The following NEXMIF variants were observed in gnomAD, a reference collection of about 807,000 sequenced individuals.
NEXMIF encodes XLMR protein related to neurite extension.
NEXMIF carries 8 observed loss-of-function variants against 62.1 expected under a neutral mutation model. That is an observed-to-expected ratio of 0.13 (90% CI 0.08 to 0.23). NEXMIF has a LOEUF of 0.23. NEXMIF is among the 10% of genes least tolerant of loss of function. NEXMIF has a pLI of 1.00. For missense variants in NEXMIF, 976 were observed against 1,113.3 expected, an observed-to-expected ratio of 0.88 and a Z score of 1.75; for synonymous variants, 404 against 416.6, an observed-to-expected ratio of 0.97 and a Z score of 0.37.
chrX:74,911,408 G>GA (rs1025519302), intron 1 of NEXMIF, among the ~76,000 whole-genome samples: 2 of 110,719 alleles, frequency 1.8e-5, no homozygotes, highest in African/African-American at 6.6e-5. Context: ...CCTTCTCAAA[G>GA]AAAAAAAAGT....
rs73502810 is a variant in NEXMIF, at chrX:74,897,324, G to A, written c.-48+27559C>T. Among the ~76,000 whole-genome samples the A allele has an allele frequency of 3.4e-3, 386 of 111,986 alleles. 4 individuals are homozygous for A. The highest frequency in any genetic ancestry group is 0.012 in the African/African-American group (364 of 30,837). ...TACCTACCTCCCACATGGGTTAGGA[G>A]AGTCAAACTAATAGTTTCCTAAATA... On this transcript the variant is annotated intron_variant, in intron 1 of 3. Transcript: ENST00000055682.
At chrX:74,821,086 T>C (rs1029128695) in intron 1 of NEXMIF, among the ~76,000 whole-genome samples, 5 of 110,712 alleles carry the variant, frequency 4.5e-5, no homozygotes, top group Non-Finnish European at 9.4e-5. Flanking sequence ...CACTATGTTG[T>C]CCAGGCTGCT....
chrX:74,909,443 G>A (rs2080780319), intron 1 of NEXMIF, among the ~76,000 whole-genome samples: 1 of 111,889 alleles, frequency 8.9e-6, no homozygotes, highest in Non-Finnish European at 1.9e-5. Context: ...GGTATCTGGT[G>A]GAATAAATTT....
intron 1 of NEXMIF, among the ~76,000 whole-genome samples, chrX:74,860,534 A>T (rs985560218): frequency 3.6e-5 from 4 of 112,179 alleles, no homozygotes; most frequent in African/African-American, 1.3e-4. Context: ...AACATTCAAA[A>T]ATTGAAATTA....
chrX:74,897,353 T>C (rs1344010829), intron 1 of NEXMIF, among the ~76,000 whole-genome samples: 1 of 111,854 alleles, frequency 8.9e-6, no homozygotes, highest in Non-Finnish European at 1.9e-5. Flanking sequence ...CTAAATAGCT[T>C]TGAAAAATAG....
At chrX:74,858,212 A>G (rs1036689347) in intron 1 of NEXMIF, among the ~76,000 whole-genome samples, 1 of 112,218 alleles carries the variant, frequency 8.9e-6, no homozygotes, top group African/African-American at 3.2e-5. Flanking sequence ...CTTGGGTGAG[A>G]CCCAGTGCTG....
intron 1 of NEXMIF, among the ~76,000 whole-genome samples, chrX:74,898,832 C>A (rs972504710): frequency 9.0e-6 from 1 of 111,017 alleles, no homozygotes; most frequent in Non-Finnish European, 1.9e-5. Flanking sequence ...TTTCTATAAA[C>A]TAACAAGAAA....
intron 1 of NEXMIF, among the ~76,000 whole-genome samples, chrX:74,785,593 G>A (rs2080258210): frequency 8.9e-6 from 1 of 112,067 alleles, no homozygotes; most frequent in African/African-American, 3.2e-5. Flanking sequence ...GAATGCATAG[G>A]CAAGGAAAAT....
At chrX:74,823,600 T>C (rs1444519514) in intron 1 of NEXMIF, among the ~76,000 whole-genome samples, 1 of 110,834 alleles carries the variant, frequency 9.0e-6, no homozygotes, top group Non-Finnish European at 1.9e-5. Flanking sequence ...TTTTAGGAAA[T>C]ATACACTATA....
chrX:74,755,345 C>A (rs964175970), intron 1 of NEXMIF, among the ~76,000 whole-genome samples: 12 of 111,736 alleles, frequency 1.1e-4, no homozygotes, highest in Non-Finnish European at 1.9e-4. Context: ...AAAGCACTTA[C>A]AATCTTAGAG....
chrX:74,877,286 A>T (rs1416801272), intron 1 of NEXMIF, among the ~76,000 whole-genome samples: 2 of 111,393 alleles, frequency 1.8e-5, no homozygotes, highest in African/African-American at 6.5e-5. Context: ...TCTGGGTTGA[A>T]AATTCTTTTC....
chrX:74,756,521 G>A (rs910122997), intron 1 of NEXMIF, among the ~76,000 whole-genome samples: 1 of 110,907 alleles, frequency 9.0e-6, no homozygotes, highest in African/African-American at 3.3e-5. Context: ...ACAAGGAATG[G>A]GCTATCCAGG....
chrX:74,915,178 T>A (rs931469738), intron 1 of NEXMIF, among the ~76,000 whole-genome samples: 3 of 111,794 alleles, frequency 2.7e-5, no homozygotes, highest in African/African-American at 9.8e-5. Context: ...GGCTTACACC[T>A]GTAATCCAAG....
intron 1 of NEXMIF, among the ~76,000 whole-genome samples, chrX:74,793,640 C>T (rs2080294215): frequency 9.2e-6 from 1 of 108,765 alleles, no homozygotes; most frequent in Admixed American, 9.9e-5. Flanking sequence ...GGTCTTTTCA[C>T]ATAGTCCCAT....
Position 74,736,838 on chromosome X carries a change from TAAC to T in NEXMIF, c.*2564_*2566del, listed in dbSNP as rs2080086519. 8.9e-6 allele frequency: 1 copy of T among 112,289 alleles called. No individual in the cohort carries two copies. Among genetic ancestry groups the T allele is most frequent in the Non-Finnish European group, 1.9e-5 (1 of 53,176 alleles). 9.3% of individuals were successfully genotyped at this position (112,289 alleles called of 1,213,427 possible). On this transcript the variant is annotated 3_prime_UTR_variant, in exon 4 of 4. Coordinates refer to ENST00000055682, the MANE Select transcript of NEXMIF (RefSeq NM_001008537.3). Reference sequence around the variant, plus strand: ...GGCCAATTAAAAAGGTACTTTAAAATAACAATTCTCTTTGGAGAAAGGGATGAA... The same window carrying T: ...GGCCAATTAAAAAGGTACTTTAAAATAATTCTCTTTGGAGAAAGGGATGAA...
At chrX:74,851,861 C>T (rs1569355168) in intron 1 of NEXMIF, among the ~76,000 whole-genome samples, 1 of 111,284 alleles carries the variant, frequency 9.0e-6, no homozygotes, top group Non-Finnish European at 1.9e-5. Context: ...CTACGGAAAA[C>T]CACCAAACCA....
At chrX:74,821,537 A>G (rs1473930926) in intron 1 of NEXMIF, among the ~76,000 whole-genome samples, 1 of 111,982 alleles carries the variant, frequency 8.9e-6, no homozygotes, top group African/African-American at 3.2e-5. Flanking sequence ...ATAGATGAAC[A>G]ATTTTCAGTA....
At chrX:74,753,562 C>T (rs2080150217) in intron 1 of NEXMIF, among the ~76,000 whole-genome samples, 1 of 111,686 alleles carries the variant, frequency 9.0e-6, no homozygotes, top group South Asian at 3.7e-4. Flanking sequence ...GCTGTTCTTA[C>T]TTATCCCAAG....
chrX:74,922,585 G>A (rs923635989), intron 1 of NEXMIF, among the ~76,000 whole-genome samples: 6 of 111,872 alleles, frequency 5.4e-5, no homozygotes, highest in Non-Finnish European at 1.1e-4. Context: ...ATTATGTTAT[G>A]TTAACAATAG....
Sources: gnomAD v4.1 joint callset for allele counts (sites outside exome capture counted in the v4.1 genomes callset) on GRCh38, gnomAD v4.1.1 for gene constraint, MANE v1.5 for transcripts, NCBI Gene and HGNC (gene_info 2026-07-23, HGNC 2026-07-21) for gene names.